The following FRY variants were observed in gnomAD, a reference collection of about 807,000 sequenced individuals.
FRY encodes the protein protein furry homolog.
Under a neutral mutation model 348.4 loss-of-function variants are expected in FRY, and 128 were observed. The observed-to-expected ratio is 0.37, with a 90% CI of 0.32 to 0.43. The LOEUF (loss-of-function observed/expected upper bound fraction) is 0.43, where lower values mean the gene tolerates loss of function less well. Ranked by LOEUF, FRY falls within the 20% of genes least tolerant of loss-of-function variation. The pLI is 1.00. For missense variants in FRY, 2,736 were observed against 3,695.2 expected (o/e 0.74, Z 6.73); for synonymous variants, 1,370 against 1,374.7 (o/e 1.00, Z 0.08).
intron 55 of FRY, among the ~76,000 whole-genome samples, chr13:32,270,784 T>C: frequency 6.6e-6 from 1 of 152,202 alleles, no homozygotes; most frequent in East Asian, 1.9e-4. Context: ...CCGTTACACT[T>C]GTGACTCTAT....
At chr13:32,164,982 T>C (rs1160952573) in intron 17 of FRY, among the ~76,000 whole-genome samples, 3 of 152,222 alleles carry the variant, frequency 2.0e-5, no homozygotes, top group Non-Finnish European at 4.4e-5. Context: ...CAGCAAATGT[T>C]AGTTTATTAT....
intron 14 of FRY, among the ~76,000 whole-genome samples, chr13:32,151,535 G>A (rs1880793146): frequency 6.6e-6 from 1 of 152,162 alleles, no homozygotes. Context: ...GTTCAGATTG[G>A]GTCTTAAATA....
intron 55 of FRY, among the ~76,000 whole-genome samples, chr13:32,268,536 A>ATATC (rs1555273268): frequency 7.4e-5 from 10 of 134,590 alleles, no homozygotes; most frequent in South Asian, 2.4e-4. Flanking sequence ...ATATATATAT[A>ATATC]TATCTAGATT....
At chr13:32,155,969 A>G (rs778149489) in intron 15 of FRY, among the ~76,000 whole-genome samples, 9 of 152,182 alleles carry the variant, frequency 5.9e-5, no homozygotes, top group Non-Finnish European at 1.3e-4. Context: ...GCTTTGCTAA[A>G]TAATCCTGTT....
At chr13:32,274,765 A>C in intron 55 of FRY, 77 bp from the exon 56 acceptor site, 1 of 988,584 alleles carries the variant, frequency 1.0e-6, no homozygotes, top group East Asian at 2.5e-5. Flanking sequence ...AAAAGAAGCT[A>C]CCCCTCCCCC....
chr13:32,251,827 G>T, intron 49 of FRY, 51 bp from the exon 50 acceptor site: 1 of 1,186,486 alleles, frequency 8.4e-7, no homozygotes, highest in South Asian at 1.2e-5. Context: ...AATTAGAGCA[G>T]ATTTGCTCAC....
At chr13:32,167,959 C>A (rs1354296481) in intron 17 of FRY, among the ~76,000 whole-genome samples, 2 of 152,126 alleles carry the variant, frequency 1.3e-5, no homozygotes, top group African/African-American at 2.4e-5. Flanking sequence ...CCAGCTTTAA[C>A]CAGAGTGGCT....
rs934120236 is a variant in FRY, at chr13:32,055,123, T to C, written c.70+23258T>C. Among the ~76,000 whole-genome samples, 17 of 152,270 alleles carry C rather than the reference T, an allele frequency of 1.1e-4. 1 individual carries two copies. The highest frequency in any genetic ancestry group is 1.0e-3 in the Admixed American group (16 of 15,294). On this transcript the variant is annotated intron_variant, in intron 1 of 60. Coordinates refer to ENST00000542859, the MANE Select transcript of FRY (RefSeq NM_023037.3). ...GTGCAGTGGTGTGATCATAGATCAC[T>C]GAAGCCTCCTTCCTGGGTTTAAGCC...
At position 32,136,963 on chromosome 13, in the gene FRY, C is replaced by G; in HGVS notation, c.1170C>G (p.Ser390=). ...RWHIFLNNCL[S]NLKNKDPKMA... is the part of the protein sequence containing the mutation. Reference sequence around the variant, plus strand: ...ACATTTTCCTCAACAACTGCTTGTCCAACCTTAAAGTTAGTATTTGTCAGC... The same window carrying G: ...ACATTTTCCTCAACAACTGCTTGTCGAACCTTAAAGTTAGTATTTGTCAGC... The change falls in exon 11 of 61, where the codon TCC becomes TCG. Residue 390 remains serine, a synonymous_variant. Transcript: ENST00000542859. 6.4e-7 allele frequency: 1 copy of G among 1,564,694 alleles called. No individual in the cohort carries two copies. Among genetic ancestry groups the G allele is most frequent in the East Asian group, 2.2e-5 (1 of 44,672 alleles).
chr13:32,217,903 A>C (rs1885090549), intron 35 of FRY, among the ~76,000 whole-genome samples: 1 of 152,176 alleles, frequency 6.6e-6, no homozygotes, highest in Non-Finnish European at 1.5e-5. Context: ...TTAACAAGCC[A>C]CAAGAGAGGC....
intron 29 of FRY, among the ~76,000 whole-genome samples, chr13:32,196,608 A>C (rs898700637): frequency 2.0e-5 from 3 of 151,788 alleles, no homozygotes; most frequent in East Asian, 1.9e-4. Context: ...ATGTGTTGTG[A>C]ACTTACTGTT....
In FRY at chr13:32,267,105, T is replaced by G. The variant is rs914994474; in HGVS notation, c.7947-65T>G. On this transcript the variant is annotated intron_variant, in intron 54 of 60. Coordinates refer to ENST00000542859, the MANE Select transcript of FRY (RefSeq NM_023037.3). The stretch of plus-strand genomic sequence containing the variant: ...TTTGCTGACTCTCAGGGTGAGAATT[T>G]ATAAAACCCAGTATAGGATGAGAAG... The G allele has an allele frequency of 5.5e-6, 8 of 1,453,382 alleles. No homozygotes were observed. In the African/African-American group the frequency reaches 1.1e-4, roughly 20 times the overall value. The allele number at this position is 1,453,382 out of a possible 1,614,324, so 90.0% of individuals were successfully genotyped here. A position where few individuals can be genotyped will look rare whatever the true frequency, so the allele number is the denominator to read the frequency against.
chr13:32,151,982 ATGAACAATTAGAAAT>A (rs1162686850), intron 14 of FRY, among the ~76,000 whole-genome samples: 1 of 152,248 alleles, frequency 6.6e-6, no homozygotes, highest in East Asian at 1.9e-4. Flanking sequence ...TATTCTAGTT[ATGAACAATTAGAAAT>A]TGAACAATTT....
intron 16 of FRY, among the ~76,000 whole-genome samples, chr13:32,158,896 C>G (rs1470730981): frequency 7.6e-6 from 1 of 132,294 alleles, no homozygotes; most frequent in Admixed American, 9.0e-5. Flanking sequence ...CCAGCCTGGG[C>G]GACAGTGAAA....
chr13:32,234,111 C>A (rs1282622724), intron 41 of FRY, among the ~76,000 whole-genome samples: 2 of 126,372 alleles, frequency 1.6e-5, no homozygotes, highest in Non-Finnish European at 3.4e-5. Flanking sequence ...AAAGAAAGAC[C>A]CTGTTTCCAA....
intron 3 of FRY, among the ~76,000 whole-genome samples, chr13:32,104,118 G>A (rs140873099): frequency 9.2e-5 from 14 of 151,984 alleles, no homozygotes; most frequent in Non-Finnish European, 1.9e-4. Flanking sequence ...TGAGAAAATC[G>A]TTCTAAATTT....
intron 4 of FRY, among the ~76,000 whole-genome samples, chr13:32,120,404 G>A (rs1878580009): frequency 6.6e-6 from 1 of 151,966 alleles, no homozygotes; most frequent in African/African-American, 2.4e-5. Context: ...AGCAGAAAAT[G>A]GGGTAGAGGG....
Position 32,239,703 on chromosome 13 carries a change from T to A in FRY, c.6517-8T>A. On this transcript the variant is annotated splice_polypyrimidine_tract_variant and splice_region_variant and intron_variant, in intron 45 of 60. Transcript: ENST00000542859. The surrounding 1 kb of genome is among the most constrained non-coding windows in gnomAD (Gnocchi z 4.3). Reference sequence around the variant, plus strand: ...TTTTATTCCTAATTGATTTTTTTATTTTAAAAGGTTTGTTTAGAAGAGAAG... The same window carrying A: ...TTTTATTCCTAATTGATTTTTTTATATTAAAAGGTTTGTTTAGAAGAGAAG... 1 of 1,598,874 alleles carries A rather than the reference T, an allele frequency of 6.3e-7. No homozygotes were observed. Among genetic ancestry groups the A allele is most frequent in the Non-Finnish European group, 8.6e-7 (1 of 1,166,396 alleles).
In FRY at chr13:32,294,521, C is replaced by A. The variant is rs1334288109; in HGVS notation, c.8734C>A (p.Leu2912Met). The change falls in exon 60 of 61, where the codon CTG (leucine) becomes ATG (methionine). Residue 2912 changes from leucine to methionine, a missense_variant. By Grantham distance (15) the Leu-to-Met change is conservative. This residue lies in a region of FRY where 157 missense variants were observed against 215.2 expected (regional missense o/e 0.73). Transcript: ENST00000542859. ...EAAIQSMLEC[L>M]KNNELGKALR... is the part of the protein sequence containing the mutation. Reference sequence around the variant, plus strand: ...AGCCATCCAGTCCATGCTGGAGTGCCTGAAGAACAACGAACTCGGCAAAGC... The same window carrying A: ...AGCCATCCAGTCCATGCTGGAGTGCATGAAGAACAACGAACTCGGCAAAGC... 1 of 1,614,140 alleles carries A rather than the reference C, an allele frequency of 6.2e-7. No homozygotes were observed. Among genetic ancestry groups the A allele is most frequent in the Non-Finnish European group, 8.5e-7 (1 of 1,179,994 alleles).
Sources: allele counts gnomAD v4.1 joint callset (sites outside exome capture counted in the v4.1 genomes callset), GRCh38; gene constraint gnomAD v4.1.1; regional missense constraint gnomAD v4.1.1; non-coding constraint Gnocchi (gnomAD v3.1); transcripts MANE v1.5; gene names NCBI Gene and HGNC (gene_info 2026-07-23, HGNC 2026-07-21).